CAMK1G: variants seen among roughly 807,000 people sequenced by gnomAD.
CAMK1G encodes the protein calcium/calmodulin-dependent protein kinase type 1G.
Under a neutral mutation model 54.8 loss-of-function variants are expected in CAMK1G, and 27 were observed. That is an observed-to-expected ratio of 0.49 (90% CI 0.36 to 0.68). The LOEUF is 0.68. Among genes scored for constraint, CAMK1G ranks in the 30% least tolerant of loss-of-function variants. CAMK1G has a pLI of 0.00. For missense variants in CAMK1G, 512 were observed against 591.0 expected, an observed-to-expected ratio of 0.87 and a Z score of 1.39; for synonymous variants, 238 against 224.9, an observed-to-expected ratio of 1.06 and a Z score of -0.52.
At position 209,612,844 on chromosome 1, in the gene CAMK1G, C is replaced by T. The variant is rs758265764; in HGVS notation, c.1400C>T (p.Ala467Val). Residue 467 changes from alanine to valine, a missense_variant, in exon 12 of 13, where the codon GCA becomes GTA. Coordinates refer to ENST00000361322, the MANE Select transcript of CAMK1G (RefSeq NM_020439.3). Reference protein sequence around the residue: ...VKASGSSHCRAGQTGVCLIM With the variant: ...VKASGSSHCRVGQTGVCLIM ...GCCAGTGGCAGCTCCCACTGCCGGG[C>T]AGGGCAGACTGGAGTCTGTCTCATT... The T allele has an allele frequency of 8.7e-6, 14 of 1,613,384 alleles. No individual in the cohort carries two copies. The Middle Eastern group carries it at 8.2e-4, about 95-fold the overall frequency.
chr1:209,588,980 T>G (rs1354028500), intron 1 of CAMK1G, among the ~76,000 whole-genome samples: 3 of 151,816 alleles, frequency 2.0e-5, no homozygotes, highest in Non-Finnish European at 4.4e-5. Context: ...AGCTGCAGAG[T>G]TTTCCCCCAA....
chr1:209,603,928 T>A (rs1476582654), intron 4 of CAMK1G, among the ~76,000 whole-genome samples: 2 of 152,184 alleles, frequency 1.3e-5, no homozygotes, highest in African/African-American at 2.4e-5. Flanking sequence ...CATTGCTGCA[T>A]CCAAACAACA....
chr1:209,608,919 G>T (rs1665714228), intron 7 of CAMK1G, 61 bp from the exon 8 acceptor site: 1 of 1,601,762 alleles, frequency 6.2e-7, no homozygotes, highest in African/African-American at 1.3e-5. Flanking sequence ...GGGGAGCAGA[G>T]AGGCTGGCTC....
intron 1 of CAMK1G, among the ~76,000 whole-genome samples, chr1:209,584,384 C>T (rs1267716350): frequency 6.6e-6 from 1 of 152,218 alleles, no homozygotes; most frequent in Non-Finnish European, 1.5e-5. Context: ...GCTCCCTATC[C>T]TCAGCCGCGT....
At chr1:209,605,824 G>A in intron 5 of CAMK1G, 150 bp downstream of exon 5, 1 of 707,034 alleles carries the variant, frequency 1.4e-6, no homozygotes. Flanking sequence ...AACAGACCTT[G>A]GATGAGTGAA....
rs181906605 is a variant in CAMK1G at position 209,598,822 on chromosome 1, C to T, written c.93-1161C>T. ...AAAAACGTTTCAAAAATAAGAATAA[C>T]GCCAGGCTTGGTGGCTCATACCTGT... On this transcript the variant is annotated intron_variant, in intron 2 of 12. Coordinates refer to ENST00000361322, the MANE Select transcript of CAMK1G (RefSeq NM_020439.3). 2.4e-4 allele frequency among the ~76,000 whole-genome samples: 36 copies of T among 152,232 alleles called. 1 individual carries two copies. In the East Asian group the frequency reaches 6.6e-3, roughly 28 times the overall value.
At chr1:209,586,614 A>G (rs1385477742) in intron 1 of CAMK1G, among the ~76,000 whole-genome samples, 2 of 152,100 alleles carry the variant, frequency 1.3e-5, no homozygotes, top group East Asian at 3.8e-4. Flanking sequence ...TGTTTAATTC[A>G]TGTGCCTATA....
chr1:209,585,829 G>C (rs1665084332), intron 1 of CAMK1G, among the ~76,000 whole-genome samples: 1 of 152,390 alleles, frequency 6.6e-6, no homozygotes, highest in East Asian at 1.9e-4. Context: ...GCCAGCGCCA[G>C]CGAGTGAATG....
intron 4 of CAMK1G, among the ~76,000 whole-genome samples, chr1:209,604,025 TAC>T (rs374648933): frequency 1.1e-4 from 17 of 151,702 alleles, no homozygotes; most frequent in African/African-American, 2.9e-4. Flanking sequence ...GTTTATAAAG[TAC>T]ACACACACAC....
At chr1:209,588,669 A>G (rs1033001707) in intron 1 of CAMK1G, among the ~76,000 whole-genome samples, 1 of 152,144 alleles carries the variant, frequency 6.6e-6, no homozygotes, top group Non-Finnish European at 1.5e-5. Flanking sequence ...TTTAGGGTAT[A>G]TGACCACAGT....
At position 209,607,928 on chromosome 1, in the gene CAMK1G, C is replaced by T. The variant is rs1215969468; in HGVS notation, c.630C>T (p.Tyr210=). 3.7e-6 allele frequency: 6 copies of T among 1,612,360 alleles called. No individual in the cohort carries two copies. The highest frequency in any genetic ancestry group is 1.3e-5 in the African/African-American group (1 of 74,894). ...VDCWSIGVIT[Y]ILLCGYPPFY... is the part of the protein sequence containing the mutation. ...GCTGGTCCATCGGCGTCATCACCTA[C>T]ATATTGTGAGTAGACGCTGGCCTGG... is the stretch of plus-strand genomic sequence containing the variant. Residue 210 remains tyrosine, a synonymous_variant, in exon 7 of 13, where the codon TAC becomes TAT. Coordinates refer to ENST00000361322, the MANE Select transcript of CAMK1G (RefSeq NM_020439.3).
At chr1:209,593,530 C>A (rs1037975330) in intron 1 of CAMK1G, among the ~76,000 whole-genome samples, 1 of 152,108 alleles carries the variant, frequency 6.6e-6, no homozygotes, top group Non-Finnish European at 1.5e-5. Flanking sequence ...TTTAACCCCA[C>A]CCCAAAAACA....
rs1571787370 is a variant in CAMK1G, at chr1:209,610,053, A to G, written c.827+124A>G. ...GATCCATTTAATGATGTGACAAGCA[A>G]GGACCATGCCATTGTTCATCAGGCC... On this transcript the variant is annotated intron_variant, in intron 9 of 12. Coordinates refer to ENST00000361322, the MANE Select transcript of CAMK1G (RefSeq NM_020439.3). 3 of 793,354 alleles carry G rather than the reference A, an allele frequency of 3.8e-6. No individual in the cohort carries two copies. The East Asian group carries it at 7.7e-5, about 20-fold the overall frequency. The allele number at this position is 793,354 out of a possible 1,614,324, so 49.1% of individuals were successfully genotyped here. A position where few individuals can be genotyped will look rare whatever the true frequency, so the allele number is the denominator to read the frequency against.
chr1:209,607,874 C>T lies in CAMK1G; in HGVS notation c.576C>T (p.Ala192=). 1 of 1,613,470 alleles carries T rather than the reference C, an allele frequency of 6.2e-7. No individual in the cohort carries two copies. The highest frequency in any genetic ancestry group is 1.1e-5 in the South Asian group (1 of 91,004). Residue 192 remains alanine, a synonymous_variant, in exon 7 of 13, where the codon GCC becomes GCT. Transcript: ENST00000361322. Reference sequence around the variant, plus strand: ...CTGCTGCAGCTCCAGAAGTGCTGGCCCAGAAACCCTACAGCAAGGCTGTGG... The same window carrying T: ...CTGCTGCAGCTCCAGAAGTGCTGGCTCAGAAACCCTACAGCAAGGCTGTGG... The part of the protein sequence containing the change: ...TPGYVAPEVL[A]QKPYSKAVDC...
chr1:209,594,233 C>T (rs1020450247), intron 1 of CAMK1G, among the ~76,000 whole-genome samples: 6 of 152,146 alleles, frequency 3.9e-5, no homozygotes. Flanking sequence ...TAACTGTACA[C>T]GTATGACTTT....
chr1:209,609,828 G>A lies in CAMK1G; in HGVS notation c.749-23G>A, dbSNP rs188908583. The A allele has an allele frequency of 6.2e-4, 995 of 1,613,424 alleles. 1 individual carries two copies. Among genetic ancestry groups the A allele is most frequent in the Non-Finnish European group, 8.1e-4 (958 of 1,179,366 alleles). Reference sequence around the variant, plus strand: ...TCATGAAATCTGGTCCTTAGTCGTCGTGTCTTTGATTACTCCCCTTAGCCA... The same window carrying A: ...TCATGAAATCTGGTCCTTAGTCGTCATGTCTTTGATTACTCCCCTTAGCCA... On this transcript the variant is annotated intron_variant, in intron 8 of 12. Coordinates refer to ENST00000361322, the MANE Select transcript of CAMK1G (RefSeq NM_020439.3).
intron 3 of CAMK1G, among the ~76,000 whole-genome samples, chr1:209,602,908 C>G (rs1665563778): frequency 6.6e-6 from 1 of 151,982 alleles, no homozygotes; most frequent in Non-Finnish European, 1.5e-5. Flanking sequence ...TAGCCTTCCT[C>G]CATTCTTCTA....
At chr1:209,600,138 T>C in intron 3 of CAMK1G, 27 bp downstream of exon 3, 1 of 1,609,420 alleles carries the variant, frequency 6.2e-7, no homozygotes. Flanking sequence ...GTTGACTGGA[T>C]CACTATGGGA....
intron 1 of CAMK1G, among the ~76,000 whole-genome samples, chr1:209,594,727 C>T (rs1045527442): frequency 6.6e-6 from 1 of 152,218 alleles, no homozygotes; most frequent in Non-Finnish European, 1.5e-5. Context: ...TGTGAGCATG[C>T]AGCAAGCATA....
Sources: allele counts gnomAD v4.1 joint callset (sites outside exome capture counted in the v4.1 genomes callset), GRCh38; gene constraint gnomAD v4.1.1; transcripts MANE v1.5; gene names NCBI Gene and HGNC (gene_info 2026-07-23, HGNC 2026-07-21).